STMN2: variants seen among roughly 807,000 people sequenced by gnomAD.
STMN2 encodes stathmin-2.
Under a neutral mutation model 24.1 loss-of-function variants are expected in STMN2, and 2 were observed. The observed-to-expected ratio is 0.08, with a 90% confidence interval of 0.03 to 0.26. The LOEUF (loss-of-function observed/expected upper bound fraction) is 0.26, where lower values mean the gene tolerates loss of function less well. STMN2 is among the 10% of genes least tolerant of loss of function. The pLI, the probability that STMN2 is intolerant of heterozygous loss-of-function variation, is 1.00. For synonymous variants in STMN2, 83 were observed against 77.5 expected (o/e 1.07, Z -0.37); for missense variants, 114 against 213.6 (o/e 0.53, Z 2.91).
chr8:79,629,539 A>C (rs1432069313), intron 1 of STMN2, among the ~76,000 whole-genome samples: 1 of 152,226 alleles, frequency 6.6e-6, no homozygotes, highest in East Asian at 1.9e-4. Flanking sequence ...ATGCAACTTT[A>C]GAAAACTGTT....
chr8:79,637,130 T>G (rs1242919790), intron 2 of STMN2, among the ~76,000 whole-genome samples: 1 of 152,228 alleles, frequency 6.6e-6, no homozygotes, highest in African/African-American at 2.4e-5. Context: ...GGATTCTTAT[T>G]AACAGCCACA....
intron 3 of STMN2, among the ~76,000 whole-genome samples, chr8:79,652,412 C>G (rs867787133): frequency 1.3e-5 from 2 of 152,094 alleles, no homozygotes; most frequent in Non-Finnish European, 2.9e-5. Context: ...GTGAGATTTC[C>G]TATCAATACA....
In STMN2 at chr8:79,655,571, A is replaced by G. The variant is rs541679007; in HGVS notation, c.480+509A>G. Among the ~76,000 whole-genome samples, 14 of 152,292 alleles carry G rather than the reference A, an allele frequency of 9.2e-5. No individual in the cohort carries two copies. In the East Asian group the frequency reaches 2.7e-3, roughly 29 times the overall value. Reference sequence around the variant, plus strand: ...CCATTCTAGGGTATAATAGCATCACATGGGACCATAGCAAAGATTAGCTCA... The same window carrying G: ...CCATTCTAGGGTATAATAGCATCACGTGGGACCATAGCAAAGATTAGCTCA... On this transcript the variant is annotated intron_variant, in intron 4 of 4. Transcript: ENST00000220876.
rs968179366 is a variant in STMN2, at chr8:79,632,258, TTCTG to T, written c.20-4540_20-4537del. 3.9e-4 allele frequency among the ~76,000 whole-genome samples: 60 copies of T among 152,194 alleles called. 1 individual carries two copies. Among genetic ancestry groups the T allele is most frequent in the Admixed American group, 3.7e-3 (57 of 15,276 alleles). On this transcript the variant is annotated intron_variant, in intron 1 of 4. Transcript: ENST00000220876. Reference sequence around the variant, plus strand: ...GCTTCAAATAAAGTGCTTTTGTCCTTTCTGTCTATCAGAAACTGTGCAAATCGAA... The same window carrying T: ...GCTTCAAATAAAGTGCTTTTGTCCTTTCTATCAGAAACTGTGCAAATCGAA...
rs181932479 is a variant in STMN2, at chr8:79,662,561, G to A, written c.481-2254G>A. ...TGAGTAAATATTCGATAATGTGAAC[G>A]TAAAGTGTTCAAATAATAGAGTGAC... is the stretch of plus-strand genomic sequence containing the variant. On this transcript the variant is annotated intron_variant, in intron 4 of 4. Transcript: ENST00000220876. Among the ~76,000 whole-genome samples the A allele has an allele frequency of 3.3e-3, 501 of 152,192 alleles. 2 individuals are homozygous for A. Among genetic ancestry groups the A allele is most frequent in the African/African-American group, 0.011 (442 of 41,556 alleles).
At chr8:79,663,406 T>C (rs888461340) in intron 4 of STMN2, among the ~76,000 whole-genome samples, 1 of 152,140 alleles carries the variant, frequency 6.6e-6, no homozygotes, top group African/African-American at 2.4e-5. Flanking sequence ...TAATAGAATG[T>C]CCACTATAAG....
At chr8:79,656,879 T>A (rs1806383844) in intron 4 of STMN2, among the ~76,000 whole-genome samples, 1 of 150,464 alleles carries the variant, frequency 6.6e-6, no homozygotes, top group African/African-American at 2.4e-5. Context: ...CTTTTTTGTT[T>A]GTTTGTTTTT....
chr8:79,636,103 G>T (rs923035474), intron 1 of STMN2, among the ~76,000 whole-genome samples: 1 of 152,050 alleles, frequency 6.6e-6, no homozygotes, highest in African/African-American at 2.4e-5. Context: ...TGTAGTCCCA[G>T]CTAATGGGGA....
intron 4 of STMN2, among the ~76,000 whole-genome samples, chr8:79,655,752 C>G (rs1293695284): frequency 6.6e-6 from 1 of 152,192 alleles, no homozygotes; most frequent in South Asian, 2.1e-4. Flanking sequence ...TCCCACCTAT[C>G]CCCTCAAAAA....
intron 1 of STMN2, among the ~76,000 whole-genome samples, chr8:79,623,390 A>G (rs915045607): frequency 9.2e-5 from 14 of 152,262 alleles, no homozygotes; most frequent in Admixed American, 6.5e-4. Flanking sequence ...AACTGAGTAC[A>G]AAGGTTTAAG....
At chr8:79,630,426 C>A (rs1585885179) in intron 1 of STMN2, among the ~76,000 whole-genome samples, 1 of 152,128 alleles carries the variant, frequency 6.6e-6, no homozygotes, top group Non-Finnish European at 1.5e-5. Context: ...TAGAAGTCAA[C>A]GTTTATTTTC....
At chr8:79,646,620 G>A (rs925461767) in intron 3 of STMN2, among the ~76,000 whole-genome samples, 2 of 152,208 alleles carry the variant, frequency 1.3e-5, no homozygotes, top group South Asian at 2.1e-4. Flanking sequence ...ATAACATGGA[G>A]GCCAGCGTGG....
intron 1 of STMN2, among the ~76,000 whole-genome samples, chr8:79,628,081 T>C (rs925234928): frequency 9.2e-5 from 14 of 152,236 alleles, no homozygotes; most frequent in African/African-American, 3.4e-4. Context: ...AGATATCTTT[T>C]TGACATACTG....
intron 1 of STMN2, among the ~76,000 whole-genome samples, chr8:79,635,801 G>T (rs1020234568): frequency 2.6e-5 from 4 of 152,050 alleles, no homozygotes; most frequent in African/African-American, 9.7e-5. Context: ...CAGGTGCTAT[G>T]CTCAATACCT....
intron 4 of STMN2, among the ~76,000 whole-genome samples, chr8:79,660,742 CACCCAAT>C (rs1227100851): frequency 6.6e-6 from 1 of 152,018 alleles, no homozygotes; most frequent in African/African-American, 2.4e-5. Context: ...GATTTTAGTG[CACCCAAT>C]ACCCAAGCAG....
rs544404150 is a variant in STMN2 at position 79,665,777 on chromosome 8, C to T, written c.*903C>T. 6.5e-6 allele frequency: 1 copy of T among 153,346 alleles called. No individual in the cohort carries two copies. The highest frequency in any genetic ancestry group is 2.1e-4 in the South Asian group (1 of 4,868). 9.5% of individuals were successfully genotyped at this position (153,346 alleles called of 1,614,324 possible). ...CCTATAGTACAAGTACATGATGCTA[C>T]TGAATATTTTTCCACTTGGAAACTG... On this transcript the variant is annotated 3_prime_UTR_variant, in exon 5 of 5. Coordinates refer to ENST00000220876, the MANE Select transcript of STMN2 (RefSeq NM_007029.4).
intron 1 of STMN2, chr8:79,611,859 G>A (rs1809234674): frequency 1.0e-5 from 4 of 385,750 alleles, no homozygotes; most frequent in Non-Finnish European, 1.1e-5. Context: ...GGGAGGGGAA[G>A]GAGAGAGGAA....
At chr8:79,611,266 A>T (rs1196349699) in intron 1 of STMN2, 52 bp downstream of exon 1, 3 of 1,609,264 alleles carry the variant, frequency 1.9e-6, no homozygotes, top group Non-Finnish European at 2.5e-6. Flanking sequence ...CCCACCTCTC[A>T]CCTCCTCTCT....
intron 4 of STMN2, among the ~76,000 whole-genome samples, chr8:79,655,442 A>G (rs1299488354): frequency 6.6e-6 from 1 of 151,918 alleles, no homozygotes; most frequent in Non-Finnish European, 1.5e-5. Context: ...ATTTGATTTA[A>G]TATTTGTTTA....
Sources: allele counts gnomAD v4.1 joint callset (sites outside exome capture counted in the v4.1 genomes callset), GRCh38; gene constraint gnomAD v4.1.1; transcripts MANE v1.5; gene names NCBI Gene and HGNC (gene_info 2026-07-23, HGNC 2026-07-21).